The following SHISA9 variants were observed in gnomAD, a reference collection of about 807,000 sequenced individuals.
SHISA9 encodes the protein shisa family member 9.
A neutral mutation model predicts 38.0 loss-of-function variants in SHISA9; 13 were observed. The observed-to-expected ratio is 0.34, with a 90% CI of 0.22 to 0.54. The LOEUF is 0.54. Among genes scored for constraint, SHISA9 ranks in the 20% least tolerant of loss-of-function variants. The probability of loss-of-function intolerance (pLI) is 0.91; values close to 1 mark genes in which losing one functional copy is unlikely to be tolerated. For synonymous variants in SHISA9, 275 were observed against 242.0 expected (o/e 1.14, Z -1.27); for missense variants, 538 against 575.8 (o/e 0.93, Z 0.67).
the SHISA9 span, among the ~76,000 whole-genome samples, chr16:13,502,920 G>A: frequency 6.6e-6 from 1 of 151,818 alleles, no homozygotes; most frequent in Non-Finnish European, 1.5e-5. Flanking sequence ...AAATCTACTG[G>A]GAAAGACAGA....
At chr16:13,320,206 G>T in the SHISA9 span, among the ~76,000 whole-genome samples, 1 of 139,424 alleles carries the variant, frequency 7.2e-6, no homozygotes, top group Non-Finnish European at 1.5e-5. Flanking sequence ...CAGGAGAATC[G>T]CTTGAACCCA....
intron 2 of SHISA9, among the ~76,000 whole-genome samples, chr16:12,995,069 T>C (rs1249038671): frequency 6.6e-6 from 1 of 152,054 alleles, no homozygotes; most frequent in Non-Finnish European, 1.5e-5. Flanking sequence ...ATAAAAAAAT[T>C]AATTAATTTT....
the SHISA9 span, among the ~76,000 whole-genome samples, chr16:13,493,813 A>G: frequency 6.6e-6 from 1 of 152,202 alleles, no homozygotes; most frequent in Non-Finnish European, 1.5e-5. Flanking sequence ...ATATTATAGA[A>G]GGGAAGAAGA....
the SHISA9 span, among the ~76,000 whole-genome samples, chr16:13,253,899 A>G: frequency 2.6e-5 from 4 of 152,316 alleles, no homozygotes; most frequent in Non-Finnish European, 5.9e-5. Context: ...ACATTACTGA[A>G]GGTTACTTTT....
chr16:13,513,657 T>TA, the SHISA9 span, among the ~76,000 whole-genome samples: 1 of 151,994 alleles, frequency 6.6e-6, no homozygotes, highest in East Asian at 1.9e-4. Flanking sequence ...TATGCAGCTG[T>TA]AAAAAAGAAT....
intron 2 of SHISA9, among the ~76,000 whole-genome samples, chr16:13,113,851 T>C (rs1004949535): frequency 1.3e-5 from 2 of 152,220 alleles, no homozygotes; most frequent in African/African-American, 4.8e-5. Context: ...CAAGAGGAAT[T>C]ATCACCTGAT....
chr16:13,483,667 C>A, the SHISA9 span, among the ~76,000 whole-genome samples: 1 of 152,100 alleles, frequency 6.6e-6, no homozygotes, highest in African/African-American at 2.4e-5. Context: ...GGTCTTAAGA[C>A]CACCCATCCC....
chr16:13,352,801 G>A, the SHISA9 span, among the ~76,000 whole-genome samples: 1 of 149,498 alleles, frequency 6.7e-6, no homozygotes, highest in Admixed American at 6.6e-5. Context: ...GGGTCACAAG[G>A]TGCTCAGTGG....
At chr16:13,492,583 T>C in the SHISA9 span, among the ~76,000 whole-genome samples, 4 of 152,162 alleles carry the variant, frequency 2.6e-5, no homozygotes, top group Non-Finnish European at 5.9e-5. Context: ...CAAAAGCATG[T>C]AGACTCCAAG....
At chr16:13,317,306 C>T in the SHISA9 span, among the ~76,000 whole-genome samples, 7 of 152,170 alleles carry the variant, frequency 4.6e-5, no homozygotes, top group South Asian at 1.0e-3. Context: ...TTCCTAAAGT[C>T]GTGTCACAAA....
the SHISA9 span, among the ~76,000 whole-genome samples, chr16:13,395,083 C>T: frequency 6.6e-6 from 1 of 152,104 alleles, no homozygotes; most frequent in African/African-American, 2.4e-5. Context: ...TGCAGTCTGG[C>T]TATGAAATGT....
intron 4 of SHISA9, among the ~76,000 whole-genome samples, chr16:13,223,596 C>A (rs1198991330): frequency 6.6e-6 from 1 of 152,088 alleles, no homozygotes; most frequent in African/African-American, 2.4e-5. Context: ...GATTCAAAAC[C>A]AACACGTTGG....
At chr16:13,499,792 A>G in the SHISA9 span, among the ~76,000 whole-genome samples, 1 of 152,178 alleles carries the variant, frequency 6.6e-6, no homozygotes, top group African/African-American at 2.4e-5. Flanking sequence ...AATTCAGCAC[A>G]ATTTCTCTGA....
At chr16:13,404,397 A>G in the SHISA9 span, among the ~76,000 whole-genome samples, 1 of 152,236 alleles carries the variant, frequency 6.6e-6, no homozygotes, top group Non-Finnish European at 1.5e-5. Context: ...TCATCGGGGA[A>G]GTAAATCTCT....
At chr16:13,326,444 G>T in the SHISA9 span, among the ~76,000 whole-genome samples, 2 of 152,202 alleles carry the variant, frequency 1.3e-5, no homozygotes, top group Admixed American at 6.5e-5. Flanking sequence ...GTCCCCACCG[G>T]GTGCAGTGGC....
At chr16:13,246,860 C>T in the SHISA9 span, among the ~76,000 whole-genome samples, 1 of 151,670 alleles carries the variant, frequency 6.6e-6, no homozygotes, top group African/African-American at 2.4e-5. Flanking sequence ...TAAAAAAAAA[C>T]AATAAATGTT....
At chr16:12,928,328 G>GTGTGTGTGTGTGTA (rs1444528883) in intron 2 of SHISA9, among the ~76,000 whole-genome samples, 2 of 141,372 alleles carry the variant, frequency 1.4e-5, no homozygotes, top group East Asian at 2.2e-4. Context: ...GTGTGTGTGT[G>GTGTGTGTGTGTGTA]TGTATGTGTG....
intron 1 of SHISA9, among the ~76,000 whole-genome samples, chr16:12,912,963 C>G (rs2071205894): frequency 6.6e-6 from 1 of 152,040 alleles, no homozygotes. Context: ...TTCACGTGTC[C>G]AACTCCTCGC....
the SHISA9 span, among the ~76,000 whole-genome samples, chr16:13,505,015 C>T: frequency 6.6e-6 from 1 of 152,134 alleles, no homozygotes; most frequent in Non-Finnish European, 1.5e-5. Context: ...TGACTACGTG[C>T]CAGGAATTAG....
Sources: allele counts gnomAD v4.1 joint callset (sites outside exome capture counted in the v4.1 genomes callset), GRCh38; gene constraint gnomAD v4.1.1; transcripts MANE v1.5; gene names NCBI Gene and HGNC (gene_info 2026-07-23, HGNC 2026-07-21).